The following CTNNA2 variants were observed in gnomAD, a reference collection of about 807,000 sequenced individuals.
CTNNA2 encodes catenin alpha-2.
In CTNNA2, 42 loss-of-function variants were observed where a neutral mutation model predicts 101.0. The observed-to-expected ratio is 0.42, with a 90% CI of 0.32 to 0.54. The LOEUF (loss-of-function observed/expected upper bound fraction) is 0.54, where lower values mean the gene tolerates loss of function less well. Among genes scored for constraint, CTNNA2 ranks in the 20% least tolerant of loss-of-function variants. The pLI is 0.14. For missense variants in CTNNA2, 871 were observed against 1,223.1 expected, an observed-to-expected ratio of 0.71 and a Z score of 4.29; for synonymous variants, 450 against 456.4, an observed-to-expected ratio of 0.99 and a Z score of 0.18.
chr2:79,846,439 C>T (rs759945184), intron 3 of CTNNA2, among the ~76,000 whole-genome samples: 2 of 152,074 alleles, frequency 1.3e-5, no homozygotes, highest in East Asian at 1.9e-4. Flanking sequence ...ATCAGTGATG[C>T]GAGTATTATT....
chr2:79,264,031 T>C (rs1343645460), intron 2 of CTNNA2, among the ~76,000 whole-genome samples: 1 of 152,220 alleles, frequency 6.6e-6, no homozygotes, highest in Non-Finnish European at 1.5e-5. Flanking sequence ...TCTTTATTAT[T>C]GTTGAAGATT....
At chr2:80,424,617 A>G (rs1192007604) in intron 9 of CTNNA2, among the ~76,000 whole-genome samples, 1 of 152,094 alleles carries the variant, frequency 6.6e-6, no homozygotes, top group African/African-American at 2.4e-5. Flanking sequence ...AGTGACTTGA[A>G]CCTAGGTTGT....
chr2:79,870,585 C>T (rs1341165806), intron 5 of CTNNA2, among the ~76,000 whole-genome samples: 1 of 152,060 alleles, frequency 6.6e-6, no homozygotes, highest in Non-Finnish European at 1.5e-5. Context: ...AGTTTGTTCT[C>T]ATGCTGTTAT....
chr2:79,727,430 C>T (rs1314241356), intron 2 of CTNNA2, among the ~76,000 whole-genome samples: 1 of 152,054 alleles, frequency 6.6e-6, no homozygotes, highest in African/African-American at 2.4e-5. Flanking sequence ...GGAAAGATAC[C>T]AGAAAAGGAG....
intron 4 of CTNNA2, among the ~76,000 whole-genome samples, chr2:79,437,538 C>A (rs1678730256): frequency 1.3e-5 from 2 of 152,186 alleles, no homozygotes; most frequent in African/African-American, 4.8e-5. Context: ...TTTCACCCTA[C>A]AACTATCAAA....
At chr2:80,045,239 T>A (rs1696437213) in intron 7 of CTNNA2, among the ~76,000 whole-genome samples, 1 of 152,172 alleles carries the variant, frequency 6.6e-6, no homozygotes, top group Non-Finnish European at 1.5e-5. Flanking sequence ...CAGTCCTAAT[T>A]GTACCCAAGA....
At chr2:80,304,636 G>C (rs1372337872) in intron 7 of CTNNA2, 1 of 152,724 alleles carries the variant, frequency 6.5e-6, no homozygotes, top group Non-Finnish European at 1.5e-5. Context: ...CGGGCGGCGG[G>C]CGGTGGGGAG....
chr2:80,269,971 C>T (rs1297968269), intron 7 of CTNNA2, among the ~76,000 whole-genome samples: 3 of 152,196 alleles, frequency 2.0e-5, no homozygotes, highest in African/African-American at 4.8e-5. Flanking sequence ...GCAGGAGTCT[C>T]ACCTAATAAA....
At chr2:79,421,795 T>G (rs1678542552) in intron 4 of CTNNA2, among the ~76,000 whole-genome samples, 2 of 152,114 alleles carry the variant, frequency 1.3e-5, no homozygotes, top group South Asian at 4.1e-4. Context: ...CTGTAGGATG[T>G]TAGGAGAACA....
chr2:80,476,678 C>T (rs1294435666), intron 9 of CTNNA2, among the ~76,000 whole-genome samples: 1 of 152,126 alleles, frequency 6.6e-6, no homozygotes, highest in African/African-American at 2.4e-5. Flanking sequence ...GACGGGTTTA[C>T]TGACAACACC....
chr2:79,437,934 C>T (rs1026998592), intron 4 of CTNNA2, among the ~76,000 whole-genome samples: 8 of 152,158 alleles, frequency 5.3e-5, no homozygotes, highest in African/African-American at 1.9e-4. Flanking sequence ...TTCCACCACT[C>T]TCCAACTAGA....
chr2:79,229,254 G>T (rs368549471), intron 2 of CTNNA2, among the ~76,000 whole-genome samples: 1 of 152,028 alleles, frequency 6.6e-6, no homozygotes, highest in Non-Finnish European at 1.5e-5. Context: ...ATATGGTTTG[G>T]CTGTGACCCC....
chr2:79,762,794 C>T (rs1201611146), intron 3 of CTNNA2, among the ~76,000 whole-genome samples: 1 of 152,110 alleles, frequency 6.6e-6, no homozygotes, highest in Non-Finnish European at 1.5e-5. Context: ...ATAGTATGAG[C>T]TTAATGATAA....
intron 2 of CTNNA2, among the ~76,000 whole-genome samples, chr2:79,673,386 CTT>C (rs1240159345): frequency 9.2e-5 from 14 of 152,108 alleles, no homozygotes; most frequent in African/African-American, 3.4e-4. Flanking sequence ...AAAATATAAA[CTT>C]GAATTTCCAT....
At chr2:79,918,607 C>G (rs1294600777) in intron 7 of CTNNA2, among the ~76,000 whole-genome samples, 1 of 152,178 alleles carries the variant, frequency 6.6e-6, no homozygotes, top group Non-Finnish European at 1.5e-5. Flanking sequence ...TAACCACAAG[C>G]CCATAATCAC....
intron 3 of CTNNA2, among the ~76,000 whole-genome samples, chr2:79,827,230 A>T (rs1046551438): frequency 1.3e-5 from 2 of 151,866 alleles, no homozygotes; most frequent in South Asian, 2.1e-4. Context: ...GTAGAAACAG[A>T]GTTTTACCAC....
intron 17 of CTNNA2, among the ~76,000 whole-genome samples, chr2:80,613,302 C>G (rs1197891531): frequency 6.6e-6 from 1 of 151,324 alleles, no homozygotes; most frequent in Non-Finnish European, 1.5e-5. Context: ...TATAGACACC[C>G]TCAGAGGGAA....
chr2:80,582,776 G>T (rs1695649673), intron 14 of CTNNA2, among the ~76,000 whole-genome samples: 1 of 152,088 alleles, frequency 6.6e-6, no homozygotes, highest in Non-Finnish European at 1.5e-5. Context: ...GAAAGCAAGA[G>T]GTTGAGAAAG....
At chr2:80,433,631 T>A (rs1389325963) in intron 9 of CTNNA2, among the ~76,000 whole-genome samples, 1 of 152,102 alleles carries the variant, frequency 6.6e-6, no homozygotes, top group African/African-American at 2.4e-5. Flanking sequence ...CAGCTCTTCC[T>A]GATGCAGCTC....
Sources: allele counts gnomAD v4.1 joint callset (sites outside exome capture counted in the v4.1 genomes callset), GRCh38; gene constraint gnomAD v4.1.1; transcripts MANE v1.5; gene names NCBI Gene and HGNC (gene_info 2026-07-23, HGNC 2026-07-21).